Variants in FBXO7 observed in about 807,000 individuals in gnomAD.
FBXO7 encodes F-box only protein 7.
Under a neutral mutation model 50.2 loss-of-function variants are expected in FBXO7, and 31 were observed. The ratio of observed to expected loss-of-function variants is 0.62; its 90% CI spans 0.46 to 0.83. The LOEUF (loss-of-function observed/expected upper bound fraction) is 0.83. FBXO7 is among the 40% of genes least tolerant of loss of function. FBXO7 has a pLI of 0.00. For synonymous variants in FBXO7, 256 were observed against 253.1 expected, an observed-to-expected ratio of 1.01 and a Z score of -0.11; for missense variants, 667 against 646.6, an observed-to-expected ratio of 1.03 and a Z score of -0.34.
Position 32,485,304 on chromosome 22 carries a change from A to T in FBXO7, c.787+95A>T, listed in dbSNP as rs571239393. On this transcript the variant is annotated intron_variant, in intron 4 of 8. Coordinates refer to ENST00000266087, the MANE Select transcript of FBXO7 (RefSeq NM_012179.4). ...GCCACTTCAGTGATTGGCTATCATG[A>T]TACAGTTGTGAGTCCTTCTCAACTG... The T allele has an allele frequency of 3.4e-6, 5 of 1,477,124 alleles. No homozygotes were observed. The Admixed American group carries it at 6.7e-5, about 20-fold the overall frequency. 91.5% of individuals were successfully genotyped at this position (1,477,124 alleles called of 1,614,324 possible). A position where few individuals can be genotyped will look rare whatever the true frequency, so the allele number is the denominator to read the frequency against.
At chr22:32,495,120 G>T (rs193120616) in intron 7 of FBXO7, among the ~76,000 whole-genome samples, 230 of 152,302 alleles carry the variant, frequency 1.5e-3, no homozygotes, top group African/African-American at 5.3e-3. Context: ...GCCCAGTTTG[G>T]TGTAACGTGA....
Position 32,498,351 on chromosome 22 carries a change from C to T in FBXO7, c.1390C>T (p.Leu464Phe). 3.7e-6 allele frequency: 6 copies of T among 1,614,198 alleles called. No individual in the cohort carries two copies. Among genetic ancestry groups the T allele is most frequent in the Non-Finnish European group, 5.1e-6 (6 of 1,180,034 alleles). Residue 464 changes from leucine (L) to phenylalanine (F), a missense_variant, in exon 9 of 9, where the codon CTC (leucine) becomes TTC (phenylalanine). Leu to Phe is a conservative substitution (Grantham distance 22). Coordinates refer to ENST00000266087, the MANE Select transcript of FBXO7 (RefSeq NM_012179.4). The stretch of plus-strand genomic sequence containing the variant: ...CTATGTTGGAGACCCAATCAGTTCA[C>T]TCATTCCTGGTCCTGGGGAGACGCC... ...LPYVGDPISS[L>F]IPGPGETPSQ...
In FBXO7 at chr22:32,484,137, A is replaced by G. The variant is rs777298117; in HGVS notation, c.645+13A>G. On this transcript the variant is annotated intron_variant, in intron 3 of 8. Transcript: ENST00000266087. ...TTACATACCTCAGGTAAGTACTGCA[A>G]GCAAAACACAGACATCTTATGATTG... 6.9e-6 allele frequency: 11 copies of G among 1,596,950 alleles called. No individual in the cohort carries two copies. Among genetic ancestry groups the G allele is most frequent in the South Asian group, 2.2e-5 (2 of 90,738 alleles).
At chr22:32,479,640 C>T (rs2057451979) in intron 2 of FBXO7, among the ~76,000 whole-genome samples, 1 of 152,066 alleles carries the variant, frequency 6.6e-6, no homozygotes, top group South Asian at 2.1e-4. Context: ...CGTGATCTGC[C>T]CTCCTCGGCC....
chr22:32,495,713 A>G (rs2057569917), intron 8 of FBXO7, among the ~76,000 whole-genome samples, 183 bp downstream of exon 8: 1 of 152,214 alleles, frequency 6.6e-6, no homozygotes, highest in South Asian at 2.1e-4. Flanking sequence ...TTATAATTAT[A>G]TGGAAAAAAA....
In FBXO7 at chr22:32,498,339, C is replaced by T; in HGVS notation, c.1378C>T (p.Pro460Ser). ...ACCAACACTTCCCTATGTTGGAGAC[C>T]CAATCAGTTCACTCATTCCTGGTCC... is the stretch of plus-strand genomic sequence containing the variant. ...QRPTLPYVGD[P>S]ISSLIPGPGE... is the part of the protein sequence containing the mutation. The change falls in exon 9 of 9, where the codon CCA (proline) becomes TCA (serine). Residue 460 changes from proline (P) to serine (S), a missense_variant. Physicochemically the swap from Pro to Ser is moderately conservative, Grantham distance 74. Transcript: ENST00000266087. The T allele has an allele frequency of 1.9e-6, 3 of 1,614,108 alleles. No homozygotes were observed. The South Asian group carries it at 3.3e-5, about 18-fold the overall frequency.
chr22:32,488,880 G>C (rs373438355), intron 5 of FBXO7: 5 of 152,012 alleles, frequency 3.3e-5, no homozygotes, highest in African/African-American at 1.2e-4. Context: ...GCGCTATCTC[G>C]GCTCACTTCA....
intron 2 of FBXO7, among the ~76,000 whole-genome samples, chr22:32,481,748 CTT>C (rs1276746614): frequency 1.3e-5 from 2 of 152,166 alleles, no homozygotes; most frequent in African/African-American, 2.4e-5. Context: ...TCGAGTGCCT[CTT>C]GAGTCTTTAA....
At chr22:32,479,532 G>A (rs1026579884) in intron 2 of FBXO7, among the ~76,000 whole-genome samples, 20 of 151,772 alleles carry the variant, frequency 1.3e-4, no homozygotes, top group African/African-American at 4.8e-4. Context: ...GAGTAGCTGG[G>A]ACTAGAGGTG....
At chr22:32,475,152 C>A in intron 1 of FBXO7, 28 bp downstream of exon 1, 1 of 1,516,690 alleles carries the variant, frequency 6.6e-7, no homozygotes, top group Non-Finnish European at 8.8e-7. Flanking sequence ...CTGGGCGGCC[C>A]GCGGGGAGTG....
intron 4 of FBXO7, 182 bp from the exon 5 acceptor site, chr22:32,487,563 T>C: frequency 1.8e-6 from 1 of 565,012 alleles, no homozygotes; most frequent in Non-Finnish European, 3.2e-6. Context: ...TTTTACTTCA[T>C]GTGATGCCAG....
chr22:32,475,137 C>T lies in FBXO7; in HGVS notation c.122+13C>T, dbSNP rs944559473. On this transcript the variant is annotated intron_variant, in intron 1 of 8. Transcript: ENST00000266087. ...CCTGGGGGTACAGGTACGCTGGGGC[C>T]GGGGCTGGGCGGCCCGCGGGGAGTG... The T allele has an allele frequency of 1.3e-5, 18 of 1,338,392 alleles. No homozygotes were observed. The African/African-American group carries it at 1.4e-4, about 10-fold the overall frequency. 82.9% of individuals were successfully genotyped at this position (1,338,392 alleles called of 1,614,324 possible).
intron 5 of FBXO7, 88 bp from the exon 6 acceptor site, chr22:32,490,998 T>C: frequency 2.3e-6 from 2 of 876,204 alleles, no homozygotes; most frequent in Non-Finnish European, 3.8e-6. Context: ...TGAATATTTA[T>C]TCACCATGTT....
Position 32,475,139 on chromosome 22 carries a change from G to C in FBXO7, c.122+15G>C. 6.5e-7 allele frequency: 1 copy of C among 1,538,842 alleles called. No individual in the cohort carries two copies. On this transcript the variant is annotated intron_variant, in intron 1 of 8. Transcript: ENST00000266087. ...TGGGGGTACAGGTACGCTGGGGCCG[G>C]GGCTGGGCGGCCCGCGGGGAGTGGG...
chr22:32,475,374 C>A (rs1568970150), intron 1 of FBXO7: 2 of 1,610,766 alleles, frequency 1.2e-6, no homozygotes, highest in Non-Finnish European at 1.7e-6. Context: ...GGCCCGGCCT[C>A]CCGGGGGCTC....
At chr22:32,481,555 C>A (rs573647126) in intron 2 of FBXO7, among the ~76,000 whole-genome samples, 1 of 152,236 alleles carries the variant, frequency 6.6e-6, no homozygotes, top group African/African-American at 2.4e-5. Flanking sequence ...ACAGGAAAAT[C>A]TTTAGAGTAT....
chr22:32,491,281 C>T (rs1347034742), intron 6 of FBXO7, 100 bp downstream of exon 6: 3 of 849,070 alleles, frequency 3.5e-6, no homozygotes, highest in African/African-American at 3.4e-5. Context: ...CTCTTTTCTG[C>T]TCCTGGCGAA....
At chr22:32,475,168 T>A in intron 1 of FBXO7, 44 bp downstream of exon 1, 1 of 1,516,316 alleles carries the variant, frequency 6.6e-7, no homozygotes, top group African/African-American at 1.4e-5. Flanking sequence ...GAGTGGGGAG[T>A]GCTTGGGGTG....
intron 1 of FBXO7, among the ~76,000 whole-genome samples, chr22:32,478,416 G>T (rs1234082478): frequency 6.6e-6 from 1 of 152,104 alleles, no homozygotes; most frequent in Non-Finnish European, 1.5e-5. Flanking sequence ...TTTCAAAGAT[G>T]TCAAAAAAAA....
Sources: allele counts gnomAD v4.1 joint callset (sites outside exome capture counted in the v4.1 genomes callset), GRCh38; gene constraint gnomAD v4.1.1; transcripts MANE v1.5; gene names NCBI Gene and HGNC (gene_info 2026-07-23, HGNC 2026-07-21).